Variants in SAFB2 observed in about 807,000 individuals in gnomAD.
The protein encoded by SAFB2 is scaffold attachment factor B2.
SAFB2 carries 32 observed loss-of-function variants against 100.6 expected under a neutral mutation model. That is an observed-to-expected ratio of 0.32 (90% CI 0.24 to 0.43). SAFB2 has a LOEUF of 0.43. Ranked by LOEUF, SAFB2 falls within the 20% of genes least tolerant of loss-of-function variation. The probability of loss-of-function intolerance (pLI) is 1.00; values close to 1 mark genes in which losing one functional copy is unlikely to be tolerated. For missense variants in SAFB2, 1,185 were observed against 1,163.4 expected (o/e 1.02, Z -0.27); for synonymous variants, 500 against 439.4 (o/e 1.14, Z -1.72).
At chr19:5,622,441 G>GCGCCCTGGGTT in intron 1 of SAFB2, 89 bp downstream of exon 1, 1 of 1,335,072 alleles carries the variant, frequency 7.5e-7, no homozygotes, top group Non-Finnish European at 9.8e-7. Context: ...CGAACCCAGG[G>GCGCCCTGGGTT]CGCCCCGGGT....
chr19:5,616,932 G>A, intron 2 of SAFB2, among the ~76,000 whole-genome samples: 1 of 152,148 alleles, frequency 6.6e-6, no homozygotes, highest in Non-Finnish European at 1.5e-5. Context: ...TTACAGGCAT[G>A]AGCCATGGTG....
rs2053193403 is a variant in SAFB2, at chr19:5,622,604, G to T, written c.112C>A (p.Leu38Met). Residue 38 changes from leucine to methionine, a missense_variant, in exon 1 of 21, where the codon CTG becomes ATG. By Grantham distance (15) the Leu-to-Met change is conservative (BLOSUM62 2). Coordinates refer to ENST00000252542, the MANE Select transcript of SAFB2 (RefSeq NM_014649.3). The stretch of plus-strand genomic sequence containing the variant: ...TTCCGCTTCTTCAGCTCCGCCCGCA[G>T]ATCGATCACCCGCAGCTCGCTGAGC... ...RRLSELRVID[L>M]RAELKKRNLD... is the part of the protein sequence containing the mutation. 2 of 1,613,258 alleles carry T rather than the reference G, an allele frequency of 1.2e-6. No homozygotes were observed. Among genetic ancestry groups the T allele is most frequent in the Non-Finnish European group, 1.7e-6 (2 of 1,179,798 alleles).
At chr19:5,620,686 C>T (rs1262465515) in intron 2 of SAFB2, among the ~76,000 whole-genome samples, 1 of 152,220 alleles carries the variant, frequency 6.6e-6, no homozygotes, top group Non-Finnish European at 1.5e-5. Context: ...AGTAAGGCGA[C>T]TAACTTCTAA....
In SAFB2 at chr19:5,600,150, C is replaced by G. The variant is rs375560006; in HGVS notation, c.1670G>C (p.Arg557Pro). ...QDELKPGPTN[R>P]SRVTKSGSRG... Reference sequence around the variant, plus strand: ...CTCACCTGATTTGGTGACTCTAGACCGATTTGTAGGTCCGGGTTTCAGCTC... The same window carrying G: ...CTCACCTGATTTGGTGACTCTAGACGGATTTGTAGGTCCGGGTTTCAGCTC... The change falls in exon 12 of 21, where the codon CGG becomes CCG. Residue 557 changes from arginine (R) to proline (P), a missense_variant. Arg to Pro is a moderately radical substitution (Grantham distance 103, BLOSUM62 -2). Around this residue, in one of 3 missense-constraint regions of SAFB2, gnomAD observed 740 missense variants for 687.1 expected, o/e 1.08. Transcript: ENST00000252542. 6.8e-6 allele frequency: 11 copies of G among 1,613,868 alleles called. No individual in the cohort carries two copies. The highest frequency in any genetic ancestry group is 1.3e-5 in the African/African-American group (1 of 74,874).
At chr19:5,589,250 G>A (rs1416350028) in intron 18 of SAFB2, among the ~76,000 whole-genome samples, 2 of 152,158 alleles carry the variant, frequency 1.3e-5, no homozygotes, top group African/African-American at 2.4e-5. Flanking sequence ...CCCAGCAAGC[G>A]ACAGGACAGG....
intron 11 of SAFB2, among the ~76,000 whole-genome samples, chr19:5,604,315 G>C (rs2052726624): frequency 6.6e-6 from 1 of 152,344 alleles, no homozygotes; most frequent in Non-Finnish European, 1.5e-5. Context: ...TGAAGTAGGA[G>C]AATCACTTGA....
intron 17 of SAFB2, among the ~76,000 whole-genome samples, chr19:5,590,740 T>G (rs956503332): frequency 2.0e-5 from 3 of 152,112 alleles, no homozygotes; most frequent in African/African-American, 7.2e-5. Context: ...CGCCGCCTCC[T>G]TTCCGATAAC....
chr19:5,595,056 C>T (rs2052507079), intron 14 of SAFB2, among the ~76,000 whole-genome samples: 1 of 152,158 alleles, frequency 6.6e-6, no homozygotes, highest in South Asian at 2.1e-4. Flanking sequence ...GCTACATTGC[C>T]TAGGATGGTC....
At chr19:5,588,849 AGT>A (rs1050086199) in intron 18 of SAFB2, 5 of 152,396 alleles carry the variant, frequency 3.3e-5, no homozygotes, top group South Asian at 2.1e-4. Context: ...TGAAACGGGA[AGT>A]GTGTGTCGTG....
intron 9 of SAFB2, among the ~76,000 whole-genome samples, chr19:5,607,681 C>T (rs1253060263): frequency 2.0e-5 from 3 of 152,226 alleles, no homozygotes; most frequent in Admixed American, 1.3e-4. Flanking sequence ...CCACCACTGG[C>T]GCGCAGAGTA....
chr19:5,591,654 C>G, intron 17 of SAFB2, 94 bp downstream of exon 17: 1 of 1,287,732 alleles, frequency 7.8e-7, no homozygotes. Flanking sequence ...GTTGCCACCT[C>G]TCTGGGATCA....
At chr19:5,612,312 G>A (rs1044931816) in intron 6 of SAFB2, 2 of 568,014 alleles carry the variant, frequency 3.5e-6, no homozygotes, top group African/African-American at 1.9e-5. Flanking sequence ...GACATGAAAA[G>A]AATCACTACT....
intron 11 of SAFB2, among the ~76,000 whole-genome samples, chr19:5,602,295 G>C (rs2052675234): frequency 6.6e-6 from 1 of 151,690 alleles, no homozygotes; most frequent in Non-Finnish European, 1.5e-5. Context: ...GGCTAACACA[G>C]TGAAACCCCG....
rs1275140086 is a variant in SAFB2 at position 5,610,696 on chromosome 19, C to G, written c.1146-8G>C. The stretch of plus-strand genomic sequence containing the variant: ...TTTTCTTCCTTAAAAGAGCTAGAGA[C>G]AAAAGTTAATGTTACTCATACAGGA... On this transcript the variant is annotated splice_region_variant and splice_polypyrimidine_tract_variant and intron_variant, in intron 7 of 20. Transcript: ENST00000252542. 2.0e-6 allele frequency: 3 copies of G among 1,531,694 alleles called. No homozygotes were observed. The highest frequency in any genetic ancestry group is 2.7e-6 in the Non-Finnish European group (3 of 1,115,226). The allele number at this position is 1,531,694 out of a possible 1,614,324, so 94.9% of individuals were successfully genotyped here.
intron 1 of SAFB2, 43 bp downstream of exon 1, chr19:5,622,487 G>A: frequency 6.7e-7 from 1 of 1,494,020 alleles, no homozygotes; most frequent in Non-Finnish European, 8.9e-7. Flanking sequence ...GCGGGGGCGT[G>A]CCCGGGCCTC....
At chr19:5,622,427 G>A in intron 1 of SAFB2, 103 bp downstream of exon 1, 6 of 1,240,198 alleles carry the variant, frequency 4.8e-6, no homozygotes, top group Middle Eastern at 2.9e-4. Context: ...GCCAAGACGC[G>A]GGGCGAACCC....
At chr19:5,606,104 C>T (rs1346730363) in intron 9 of SAFB2, among the ~76,000 whole-genome samples, 1 of 152,136 alleles carries the variant, frequency 6.6e-6, no homozygotes, top group East Asian at 1.9e-4. Context: ...TTGCTCTTCC[C>T]AATAGCCAGG....
At chr19:5,612,082 A>G (rs2052920313) in intron 6 of SAFB2, 2 of 330,154 alleles carry the variant, frequency 6.1e-6, no homozygotes, top group Non-Finnish European at 1.1e-5. Context: ...CGCAGTCCGG[A>G]AGGGGAATAA....
Position 5,591,844 on chromosome 19 carries a change from T to C in SAFB2, c.2349-51A>G, listed in dbSNP as rs375881803. On this transcript the variant is annotated intron_variant, in intron 16 of 20. Coordinates refer to ENST00000252542, the MANE Select transcript of SAFB2 (RefSeq NM_014649.3). ...AACAGCACCAGGCACGACTACACAT[T>C]TCTGCAGGTCAGGCAAGTTTCGCGA... 1.9e-5 allele frequency: 31 copies of C among 1,592,974 alleles called. No homozygotes were observed. In the African/African-American group the frequency reaches 3.5e-4, roughly 18 times the overall value.
Sources: allele counts gnomAD v4.1 joint callset (sites outside exome capture counted in the v4.1 genomes callset), GRCh38; gene constraint gnomAD v4.1.1; regional missense constraint gnomAD v4.1.1; transcripts MANE v1.5; gene names NCBI Gene and HGNC (gene_info 2026-07-23, HGNC 2026-07-21).